The following TENM4 variants were observed in gnomAD, a reference collection of about 807,000 sequenced individuals.
The protein encoded by TENM4 is teneurin-4.
Under a neutral mutation model 243.3 loss-of-function variants are expected in TENM4, and 82 were observed. That is an observed-to-expected ratio of 0.34 (90% CI 0.28 to 0.40). TENM4 has a LOEUF of 0.40. Ranked by LOEUF, TENM4 falls within the 10% of genes least tolerant of loss-of-function variation. The pLI is 1.00. For missense variants in TENM4, 3,138 were observed against 3,673.3 expected (o/e 0.85, Z 3.77); for synonymous variants, 1,412 against 1,456.3 (o/e 0.97, Z 0.69).
intron 3 of TENM4, among the ~76,000 whole-genome samples, chr11:79,179,247 A>G (rs1267593085): frequency 6.6e-6 from 1 of 152,236 alleles, no homozygotes; most frequent in African/African-American, 2.4e-5. Flanking sequence ...CTTTGTATTT[A>G]AAGAGCACAG....
chr11:78,886,035 C>T (rs566911593), intron 9 of TENM4, among the ~76,000 whole-genome samples: 2 of 152,170 alleles, frequency 1.3e-5, no homozygotes, highest in Non-Finnish European at 2.9e-5. Context: ...TATTTTCCAC[C>T]CTCTGTTTCT....
chr11:79,429,358 A>C (rs1859120098), intron 1 of TENM4, among the ~76,000 whole-genome samples: 1 of 151,910 alleles, frequency 6.6e-6, no homozygotes, highest in Non-Finnish European at 1.5e-5. Flanking sequence ...AAACACCTGC[A>C]CTCGCCACCG....
At chr11:79,383,055 C>T (rs941490425) in intron 1 of TENM4, among the ~76,000 whole-genome samples, 29 of 152,162 alleles carry the variant, frequency 1.9e-4, no homozygotes, top group African/African-American at 6.0e-4. Flanking sequence ...ACCCTGGCCC[C>T]GCCATCCATC....
chr11:79,232,787 A>C (rs933526805), intron 2 of TENM4, among the ~76,000 whole-genome samples: 1 of 152,240 alleles, frequency 6.6e-6, no homozygotes, highest in African/African-American at 2.4e-5. Flanking sequence ...CAGCCAGAAA[A>C]GGAGGTGAAT....
intron 3 of TENM4, among the ~76,000 whole-genome samples, chr11:79,195,395 C>T (rs115011071): frequency 0.04 from 6,020 of 152,168 alleles, 431 homozygotes; most frequent in African/African-American, 0.14. Context: ...CTGCAAAAGC[C>T]GCAGAAATTC....
chr11:79,386,392 A>G (rs111460293), intron 1 of TENM4, among the ~76,000 whole-genome samples: 1 of 152,192 alleles, frequency 6.6e-6, no homozygotes, highest in South Asian at 2.1e-4. Context: ...GTGCTAATCA[A>G]AAAGGAAAAA....
At chr11:79,234,847 G>C (rs558061358) in intron 2 of TENM4, among the ~76,000 whole-genome samples, 36 of 152,318 alleles carry the variant, frequency 2.4e-4, no homozygotes, top group African/African-American at 7.5e-4. Context: ...GGGGCCCGCA[G>C]TGAGCCTTTT....
At chr11:78,761,705 C>T (rs1022193234) in intron 18 of TENM4, among the ~76,000 whole-genome samples, 6 of 147,374 alleles carry the variant, frequency 4.1e-5, no homozygotes, top group South Asian at 2.2e-4. Context: ...CACACCCCCC[C>T]AGCCCCGACA....
At chr11:78,997,777 G>T (rs778606294) in intron 6 of TENM4, among the ~76,000 whole-genome samples, 4 of 152,180 alleles carry the variant, frequency 2.6e-5, no homozygotes, top group Non-Finnish European at 5.9e-5. Flanking sequence ...TGTCCCTTTA[G>T]AATTTACATG....
chr11:78,942,259 C>CAAA lies in TENM4; in HGVS notation c.494-38739_494-38737dup, dbSNP rs56973257. Among the ~76,000 whole-genome samples the CAAA allele has an allele frequency of 7.1e-4, 8 of 11,218 alleles. 1 individual carries two copies. The highest frequency in any genetic ancestry group is 1.0e-3 in the Non-Finnish European group (6 of 5,974). The allele number at this position is 11,218 out of a possible 152,430, so 7.4% of individuals were successfully genotyped here. A position where few individuals can be genotyped will look rare whatever the true frequency, so the allele number is the denominator to read the frequency against. ...TGAAACCCATCTCTACAAAATACAC[C>CAAA]AAAAAAAAAAAAAAAAAAAAAAAAA... On this transcript the variant is annotated intron_variant, in intron 6 of 33. Transcript: ENST00000278550.
chr11:79,110,836 C>A, intron 4 of TENM4, among the ~76,000 whole-genome samples: 1 of 152,164 alleles, frequency 6.6e-6, no homozygotes, highest in East Asian at 1.9e-4. Flanking sequence ...CTGCTCTCCC[C>A]GGCTAACTTG....
chr11:79,206,989 A>T (rs1343958136), intron 3 of TENM4, among the ~76,000 whole-genome samples: 1 of 152,160 alleles, frequency 6.6e-6, no homozygotes, highest in Non-Finnish European at 1.5e-5. Flanking sequence ...GTGCTCAGAC[A>T]TCTCCCTGAC....
intron 1 of TENM4, among the ~76,000 whole-genome samples, chr11:79,400,098 A>C (rs1010447762): frequency 4.6e-5 from 4 of 86,262 alleles, no homozygotes; most frequent in East Asian, 7.1e-4. Context: ...ATAAACACAC[A>C]CCACACACAC....
chr11:79,228,205 C>T (rs1339249710), intron 2 of TENM4, among the ~76,000 whole-genome samples: 1 of 152,170 alleles, frequency 6.6e-6, no homozygotes, highest in Non-Finnish European at 1.5e-5. Flanking sequence ...GGAGCAGGCC[C>T]CTCGGGTGGT....
chr11:79,075,098 T>C (rs1394031569), intron 4 of TENM4, among the ~76,000 whole-genome samples: 1 of 152,254 alleles, frequency 6.6e-6, no homozygotes, highest in African/African-American at 2.4e-5. Flanking sequence ...GTCATTGAAC[T>C]AATAATAACA....
intron 6 of TENM4, among the ~76,000 whole-genome samples, chr11:78,973,820 A>G (rs572294314): frequency 6.6e-6 from 1 of 151,848 alleles, no homozygotes; most frequent in African/African-American, 2.4e-5. Context: ...AGTTGATGGC[A>G]TGGGCGTGTT....
At chr11:79,247,617 A>G (rs931146407) in intron 2 of TENM4, among the ~76,000 whole-genome samples, 3 of 152,110 alleles carry the variant, frequency 2.0e-5, no homozygotes, top group African/African-American at 7.2e-5. Flanking sequence ...CAGCACTGCA[A>G]TGCAACCATT....
Position 79,342,316 on chromosome 11 carries a change from G to T in TENM4, c.-320-44773C>A, listed in dbSNP as rs773378346. 2.0e-5 allele frequency among the ~76,000 whole-genome samples: 3 copies of T among 152,146 alleles called. No homozygotes were observed. The South Asian group carries it at 6.2e-4, about 32-fold the overall frequency. ...ATGGACCGCGATGAGATGAGGAGAG[G>T]GCTTCGCAATAGCGCACATGGGTGA... is the stretch of plus-strand genomic sequence containing the variant. On this transcript the variant is annotated intron_variant, in intron 1 of 33. Transcript: ENST00000278550.
intron 1 of TENM4, among the ~76,000 whole-genome samples, chr11:79,380,900 G>T (rs1857987921): frequency 6.6e-6 from 1 of 152,152 alleles, no homozygotes; most frequent in South Asian, 2.1e-4. Context: ...GTAAGGCTTG[G>T]GGCTGTGTGA....
Sources: gnomAD v4.1 joint callset for allele counts (sites outside exome capture counted in the v4.1 genomes callset) on GRCh38, gnomAD v4.1.1 for gene constraint, MANE v1.5 for transcripts, NCBI Gene and HGNC (gene_info 2026-07-23, HGNC 2026-07-21) for gene names.